STARD13: variants seen among roughly 807,000 people sequenced by gnomAD.
STARD13 encodes the protein StAR related lipid transfer domain containing 13.
Under a neutral mutation model 106.4 loss-of-function variants are expected in STARD13, and 62 were observed. The ratio of observed to expected loss-of-function variants is 0.58; its 90% confidence interval spans 0.48 to 0.72. STARD13 has a LOEUF of 0.72. Among genes scored for constraint, STARD13 ranks in the 30% least tolerant of loss-of-function variants. The pLI, the probability that STARD13 is intolerant of heterozygous loss-of-function variation, is 0.00. For missense variants in STARD13, 1,387 were observed against 1,424.0 expected, an observed-to-expected ratio of 0.97 and a Z score of 0.42; for synonymous variants, 565 against 553.0, an observed-to-expected ratio of 1.02 and a Z score of -0.31.
At chr13:33,265,020 A>G (rs1384188244) in intron 1 of STARD13, among the ~76,000 whole-genome samples, 1 of 152,208 alleles carries the variant, frequency 6.6e-6, no homozygotes, top group Non-Finnish European at 1.5e-5. Flanking sequence ...GGTGCTAATG[A>G]GCACAGAGAT....
chr13:33,163,770 T>C (rs1192823939), intron 3 of STARD13, among the ~76,000 whole-genome samples: 2 of 144,668 alleles, frequency 1.4e-5, no homozygotes, highest in African/African-American at 5.0e-5. Context: ...CATATATATA[T>C]GTTATACCTC....
At chr13:33,262,256 C>T (rs1890674255) in intron 1 of STARD13, among the ~76,000 whole-genome samples, 1 of 152,172 alleles carries the variant, frequency 6.6e-6, no homozygotes, top group South Asian at 2.1e-4. Flanking sequence ...CACAGTGAGA[C>T]ATTCTGCATC....
the STARD13 span, among the ~76,000 whole-genome samples, chr13:33,506,493 T>C: frequency 6.6e-6 from 1 of 152,188 alleles, no homozygotes; most frequent in South Asian, 2.1e-4. Context: ...CTTGACAGCT[T>C]CCAAAGACTT....
the STARD13 span, among the ~76,000 whole-genome samples, chr13:33,486,670 A>G: frequency 6.6e-6 from 1 of 151,940 alleles, no homozygotes; most frequent in Admixed American, 6.6e-5. Context: ...GTCCTCCACT[A>G]TTCTGTTTAC....
chr13:33,217,957 T>C (rs538507869), intron 1 of STARD13, among the ~76,000 whole-genome samples: 4 of 150,016 alleles, frequency 2.7e-5, no homozygotes, highest in Middle Eastern at 3.5e-3. Context: ...GTCTACTTCA[T>C]GGCAAAGCTT....
At chr13:33,455,336 G>T in the STARD13 span, among the ~76,000 whole-genome samples, 1 of 152,184 alleles carries the variant, frequency 6.6e-6, no homozygotes, top group South Asian at 2.1e-4. Flanking sequence ...TTTGAGAGAG[G>T]CAGGGAGTCC....
At chr13:33,113,080 G>T in intron 8 of STARD13, 149 bp from the exon 9 acceptor site, 1 of 589,954 alleles carries the variant, frequency 1.7e-6, no homozygotes, top group South Asian at 2.6e-5. Flanking sequence ...AAGGCACAAA[G>T]AAGTCAGTAA....
chr13:33,670,105 G>A, the STARD13 span, among the ~76,000 whole-genome samples: 1 of 152,188 alleles, frequency 6.6e-6, no homozygotes, highest in African/African-American at 2.4e-5. Context: ...CCTGAGGGTA[G>A]CTCAAGGATT....
intron 1 of STARD13, among the ~76,000 whole-genome samples, chr13:33,248,715 T>C (rs1416234524): frequency 6.6e-6 from 1 of 152,234 alleles, no homozygotes. Context: ...ATTTTTCTTC[T>C]TCCTCCACTT....
chr13:33,313,588 C>A (rs1438043214), intron 1 of STARD13, among the ~76,000 whole-genome samples: 3 of 152,190 alleles, frequency 2.0e-5, no homozygotes, highest in Non-Finnish European at 4.4e-5. Flanking sequence ...CCCAACTCCA[C>A]CTTTCTCTAA....
the STARD13 span, among the ~76,000 whole-genome samples, chr13:33,568,612 C>A: frequency 2.0e-5 from 3 of 147,744 alleles, no homozygotes; most frequent in African/African-American, 7.4e-5. Flanking sequence ...TGCCATTGGA[C>A]ACTAAATAAT....
chr13:33,221,110 C>T (rs760489143), intron 1 of STARD13, among the ~76,000 whole-genome samples: 1 of 152,106 alleles, frequency 6.6e-6, no homozygotes, highest in Non-Finnish European at 1.5e-5. Flanking sequence ...ATAAACCTAA[C>T]AAAAATTGTA....
chr13:33,427,167 G>C, the STARD13 span, among the ~76,000 whole-genome samples: 441 of 152,208 alleles, frequency 2.9e-3, 2 homozygotes, highest in African/African-American at 0.01. Context: ...TAGGTGCGTT[G>C]TTATCCATAT....
the STARD13 span, among the ~76,000 whole-genome samples, chr13:33,586,517 A>G: frequency 6.6e-6 from 1 of 152,158 alleles, no homozygotes; most frequent in Non-Finnish European, 1.5e-5. Flanking sequence ...ATACTAGTGG[A>G]TTTCCAATTC....
chr13:33,428,677 A>G, the STARD13 span, among the ~76,000 whole-genome samples: 1 of 152,208 alleles, frequency 6.6e-6, no homozygotes, highest in African/African-American at 2.4e-5. Flanking sequence ...TCAGTTAAAA[A>G]GCTTCTGACA....
the STARD13 span, among the ~76,000 whole-genome samples, chr13:33,396,910 T>C: frequency 1.3e-5 from 2 of 152,142 alleles, no homozygotes; most frequent in Non-Finnish European, 2.9e-5. Context: ...ACTTTCTGAA[T>C]TAAGGGCCTG....
chr13:33,524,095 A>C, the STARD13 span: 78,567 of 242,524 alleles, frequency 0.32, 14,682 homozygotes, highest in Non-Finnish European at 0.4. Flanking sequence ...AACACTAGTT[A>C]ATGCTAATGT....
chr13:33,246,026 G>A, intron 1 of STARD13, among the ~76,000 whole-genome samples: 1 of 152,152 alleles, frequency 6.6e-6, no homozygotes, highest in East Asian at 1.9e-4. Flanking sequence ...GATATTTGAA[G>A]GGTGCAGGAA....
the STARD13 span, among the ~76,000 whole-genome samples, chr13:33,553,602 A>C: frequency 6.9e-6 from 1 of 144,432 alleles, no homozygotes; most frequent in African/African-American, 2.5e-5. Context: ...TTTTTTTGAG[A>C]TGGAGTCTCA....
Sources: gnomAD v4.1 joint callset for allele counts (sites outside exome capture counted in the v4.1 genomes callset) on GRCh38, gnomAD v4.1.1 for gene constraint, MANE v1.5 for transcripts, NCBI Gene and HGNC (gene_info 2026-07-23, HGNC 2026-07-21) for gene names.